The following ROBO2 variants were observed in gnomAD, a reference collection of about 807,000 sequenced individuals.
The protein encoded by ROBO2 is roundabout guidance receptor 2, also known as roundabout homolog 2.
In ROBO2, 53 loss-of-function variants were observed where a neutral mutation model predicts 160.8. That is an observed-to-expected ratio of 0.33 (90% CI 0.26 to 0.41). The LOEUF (loss-of-function observed/expected upper bound fraction) is 0.41. Ranked by LOEUF, ROBO2 falls within the 10% of genes least tolerant of loss-of-function variation. The pLI is 1.00. For missense variants in ROBO2, 1,577 were observed against 1,722.4 expected, an observed-to-expected ratio of 0.92 and a Z score of 1.49; for synonymous variants, 664 against 611.7, an observed-to-expected ratio of 1.09 and a Z score of -1.26.
At chr3:76,823,826 T>C (rs566466011) in intron 2 of ROBO2, among the ~76,000 whole-genome samples, 1 of 152,274 alleles carries the variant, frequency 6.6e-6, no homozygotes, top group African/African-American at 2.4e-5. Context: ...TATAAGTGGA[T>C]AATAACATCT....
At chr3:76,190,713 T>A (rs1331883086) in intron 2 of ROBO2, among the ~76,000 whole-genome samples, 2 of 152,086 alleles carry the variant, frequency 1.3e-5, no homozygotes, top group African/African-American at 4.8e-5. Flanking sequence ...AATGCATGAA[T>A]ATTACCATTA....
chr3:76,939,405 T>C (rs1029539929), intron 2 of ROBO2, among the ~76,000 whole-genome samples: 1 of 152,204 alleles, frequency 6.6e-6, no homozygotes, highest in Admixed American at 6.5e-5. Flanking sequence ...GAAGACTTAA[T>C]ACCAGTGATG....
chr3:76,657,676 ATACATATATG>A (rs1415323216), intron 2 of ROBO2, among the ~76,000 whole-genome samples: 1 of 116,540 alleles, frequency 8.6e-6, no homozygotes, highest in African/African-American at 3.7e-5. Flanking sequence ...GTGTATATAT[ATACATATATG>A]TGTGTATATA....
At chr3:76,774,977 G>A (rs2062150999) in intron 2 of ROBO2, among the ~76,000 whole-genome samples, 1 of 150,476 alleles carries the variant, frequency 6.6e-6, no homozygotes, top group African/African-American at 2.4e-5. Context: ...AATTGGATTT[G>A]CTTTGGTCTA....
At chr3:76,829,817 C>A (rs958883851) in intron 2 of ROBO2, among the ~76,000 whole-genome samples, 5 of 151,984 alleles carry the variant, frequency 3.3e-5, no homozygotes, top group Admixed American at 6.6e-5. Flanking sequence ...TACAGGCATG[C>A]GCCACCATGC....
chr3:76,295,277 G>A (rs1709009255), intron 2 of ROBO2, among the ~76,000 whole-genome samples: 1 of 152,038 alleles, frequency 6.6e-6, no homozygotes, highest in Admixed American at 6.6e-5. Flanking sequence ...CCTGATTCAA[G>A]CAGTTGTTAC....
At chr3:76,131,676 G>A (rs990093199) in intron 2 of ROBO2, among the ~76,000 whole-genome samples, 49 of 152,054 alleles carry the variant, frequency 3.2e-4, no homozygotes, top group African/African-American at 1.2e-3. Flanking sequence ...ATTGGTCATC[G>A]TTACTAAACA....
intron 2 of ROBO2, among the ~76,000 whole-genome samples, chr3:76,658,183 T>C (rs931023105): frequency 6.6e-6 from 1 of 151,634 alleles, no homozygotes; most frequent in African/African-American, 2.4e-5. Context: ...AAAGTGCACA[T>C]TTTCTGTAAT....
intron 2 of ROBO2, among the ~76,000 whole-genome samples, chr3:76,799,021 T>C: frequency 6.6e-6 from 1 of 152,108 alleles, no homozygotes; most frequent in East Asian, 1.9e-4. Flanking sequence ...GAGACCATCC[T>C]GGCTAACATG....
In ROBO2 at chr3:76,713,185, A is replaced by G. The variant is rs140345353; in HGVS notation, c.110-384829A>G. On this transcript the variant is annotated intron_variant, in intron 2 of 26. Transcript: ENST00000487694. ...TGGTAAAGTGCTTTATTGCAATGCA[A>G]GAAGAAAATCTTCCAGGCAAATTTG... 2.6e-5 allele frequency among the ~76,000 whole-genome samples: 4 copies of G among 152,322 alleles called. No individual in the cohort carries two copies. In the East Asian group the frequency reaches 7.7e-4, roughly 29 times the overall value.
intron 20 of ROBO2, among the ~76,000 whole-genome samples, chr3:77,605,063 G>A (rs1346300312): frequency 6.6e-6 from 1 of 151,466 alleles, no homozygotes; most frequent in Non-Finnish European, 1.5e-5. Context: ...CTACTTGAGA[G>A]TCTGGGGTAG....
At chr3:76,028,225 A>G (rs1388630752) in intron 2 of ROBO2, among the ~76,000 whole-genome samples, 2 of 129,540 alleles carry the variant, frequency 1.5e-5, no homozygotes, top group Non-Finnish European at 3.3e-5. Flanking sequence ...GAATTAAACC[A>G]TATTCAAATA....
intron 2 of ROBO2, among the ~76,000 whole-genome samples, chr3:76,323,173 A>ACC (rs1553705993): frequency 7.9e-5 from 12 of 151,088 alleles, no homozygotes; most frequent in African/African-American, 1.9e-4. Flanking sequence ...ACACACACAC[A>ACC]CACCCCTAAA....
chr3:77,593,038 T>C (rs1196352616), intron 17 of ROBO2, among the ~76,000 whole-genome samples: 1 of 152,180 alleles, frequency 6.6e-6, no homozygotes, highest in Non-Finnish European at 1.5e-5. Flanking sequence ...AAAGTTTGAA[T>C]GGGACAAAAG....
intron 2 of ROBO2, among the ~76,000 whole-genome samples, chr3:76,364,335 A>G (rs2075688609): frequency 6.6e-6 from 1 of 152,094 alleles, no homozygotes; most frequent in South Asian, 2.1e-4. Flanking sequence ...CATTTGTTGC[A>G]ATCTGAAATA....
At chr3:76,223,364 A>ACCCCCCCC (rs1704093323) in intron 2 of ROBO2, among the ~76,000 whole-genome samples, 1 of 151,662 alleles carries the variant, frequency 6.6e-6, no homozygotes, top group Admixed American at 6.6e-5. Flanking sequence ...AAAGGCTGAT[A>ACCCCCCCC]CCTTTGGTGT....
At chr3:77,340,307 CT>C (rs1260176739) in intron 2 of ROBO2, among the ~76,000 whole-genome samples, 1 of 152,040 alleles carries the variant, frequency 6.6e-6, no homozygotes, top group Non-Finnish European at 1.5e-5. Flanking sequence ...TGAAAAGTCA[CT>C]TTTCTAAAGA....
intron 2 of ROBO2, among the ~76,000 whole-genome samples, chr3:76,799,647 C>A (rs767684233): frequency 1.3e-5 from 2 of 151,646 alleles, no homozygotes; most frequent in Non-Finnish European, 2.9e-5. Flanking sequence ...AAACAAAATA[C>A]CCAGGAATAA....
intron 2 of ROBO2, chr3:76,434,585 A>C: frequency 6.3e-7 from 1 of 1,583,310 alleles, no homozygotes. Context: ...GCAGGCTTAC[A>C]TTAAGGAGTT....
Sources: gnomAD v4.1 joint callset for allele counts (sites outside exome capture counted in the v4.1 genomes callset) on GRCh38, gnomAD v4.1.1 for gene constraint, MANE v1.5 for transcripts, NCBI Gene and HGNC (gene_info 2026-07-23, HGNC 2026-07-21) for gene names.